FOCAD: variants seen among roughly 807,000 people sequenced by gnomAD.
FOCAD encodes focadhesin.
FOCAD carries 198 observed loss-of-function variants against 225.6 expected under a neutral mutation model. The observed-to-expected ratio is 0.88, with a 90% confidence interval of 0.78 to 0.99. The LOEUF (loss-of-function observed/expected upper bound fraction) is 0.99. FOCAD is among the 50% of genes least tolerant of loss of function. The pLI is 0.00. For synonymous variants in FOCAD, 897 were observed against 755.0 expected (o/e 1.19, Z -3.08); for missense variants, 2,713 against 2,123.6 (o/e 1.28, Z -5.46).
At chr9:20,743,252 G>A (rs777400473) in intron 5 of FOCAD, among the ~76,000 whole-genome samples, 3 of 152,186 alleles carry the variant, frequency 2.0e-5, no homozygotes, top group Non-Finnish European at 2.9e-5. Context: ...GTGTTTTCTG[G>A]TTATTCTGTA....
At chr9:20,928,180 G>C (rs1292405264) in intron 26 of FOCAD, among the ~76,000 whole-genome samples, 1 of 152,030 alleles carries the variant, frequency 6.6e-6, no homozygotes, top group African/African-American at 2.4e-5. Context: ...CTTAGTTCTT[G>C]CAAACCAATA....
chr9:20,821,756 G>A (rs1824346812), intron 14 of FOCAD, among the ~76,000 whole-genome samples: 1 of 151,958 alleles, frequency 6.6e-6, no homozygotes, highest in South Asian at 2.1e-4. Context: ...AGTTTCATTT[G>A]TTGATCAGCC....
intron 32 of FOCAD, 126 bp from the exon 33 acceptor site, chr9:20,949,478 G>A (rs979908604): frequency 4.3e-6 from 3 of 693,886 alleles, no homozygotes; most frequent in Admixed American, 2.6e-5. Context: ...TTATGTATTT[G>A]AAATAGAAGG....
intron 18 of FOCAD, chr9:20,872,674 C>T (rs796393574): frequency 4.0e-5 from 6 of 151,840 alleles, no homozygotes; most frequent in African/African-American, 1.5e-4. Context: ...GATTCATATA[C>T]TGTACAACTT....
At chr9:20,838,749 C>T (rs988679319) in intron 15 of FOCAD, among the ~76,000 whole-genome samples, 1 of 152,000 alleles carries the variant, frequency 6.6e-6, no homozygotes, top group Non-Finnish European at 1.5e-5. Flanking sequence ...AAAGCTTAGA[C>T]TGTTTATTAT....
chr9:20,973,057 T>G (rs535840384), intron 35 of FOCAD, among the ~76,000 whole-genome samples: 16 of 152,278 alleles, frequency 1.1e-4, no homozygotes, highest in Non-Finnish European at 1.5e-4. Context: ...TTCCTGTGCT[T>G]CTTCTTTCTG....
chr9:20,725,136 C>T (rs867959310), intron 4 of FOCAD, among the ~76,000 whole-genome samples: 3 of 152,218 alleles, frequency 2.0e-5, no homozygotes, highest in South Asian at 4.1e-4. Flanking sequence ...CGCACTACTG[C>T]ACTCCAGCCT....
At chr9:20,917,677 TG>T (rs1833988947) in intron 24 of FOCAD, among the ~76,000 whole-genome samples, 1 of 152,138 alleles carries the variant, frequency 6.6e-6, no homozygotes, top group South Asian at 2.1e-4. Flanking sequence ...GATATACCTT[TG>T]ACCTAGAGGA....
chr9:20,676,620 T>TCC (rs2131290503), intron 2 of FOCAD, among the ~76,000 whole-genome samples: 1 of 152,304 alleles, frequency 6.6e-6, no homozygotes, highest in African/African-American at 2.4e-5. Context: ...AAGCAAGAGC[T>TCC]CCATTCCCAC....
intron 15 of FOCAD, among the ~76,000 whole-genome samples, chr9:20,830,491 A>G (rs1042436407): frequency 2.0e-5 from 3 of 151,934 alleles, no homozygotes; most frequent in African/African-American, 7.2e-5. Context: ...ATTTTTTCAT[A>G]TCCCTTTTCA....
At chr9:20,754,603 C>G (rs1414763059) in intron 5 of FOCAD, among the ~76,000 whole-genome samples, 5 of 151,614 alleles carry the variant, frequency 3.3e-5, no homozygotes, top group Non-Finnish European at 5.9e-5. Context: ...GGTGATGTGC[C>G]TTCCATAGTG....
chr9:20,745,327 C>T lies in FOCAD; in HGVS notation c.392+4987C>T, dbSNP rs1464072320. Among the ~76,000 whole-genome samples, 18 of 152,090 alleles carry T rather than the reference C, an allele frequency of 1.2e-4. No homozygotes were observed. The East Asian group carries it at 2.9e-3, about 25-fold the overall frequency. ...CTGGTCTTGAACTCCTGAGCTCAAGCGATCCACCTGCTTCGGCCTCCCAAA... is the reference window on the plus strand; with the variant it reads ...CTGGTCTTGAACTCCTGAGCTCAAGTGATCCACCTGCTTCGGCCTCCCAAA... On this transcript the variant is annotated intron_variant, in intron 5 of 43. Coordinates refer to ENST00000338382, the MANE Select transcript of FOCAD (RefSeq NM_001375567.1).
At chr9:20,804,596 T>C (rs1458078722) in intron 11 of FOCAD, among the ~76,000 whole-genome samples, 1 of 151,652 alleles carries the variant, frequency 6.6e-6, no homozygotes, top group Non-Finnish European at 1.5e-5. Context: ...TCGGATGAAT[T>C]GTCTTGTTGT....
intron 18 of FOCAD, among the ~76,000 whole-genome samples, chr9:20,869,663 T>G (rs2131747918): frequency 6.6e-6 from 1 of 152,298 alleles, no homozygotes; most frequent in East Asian, 1.9e-4. Flanking sequence ...GAATTCATCT[T>G]TCTTGTCATT....
chr9:20,763,610 A>T (rs1005173333), intron 6 of FOCAD, among the ~76,000 whole-genome samples: 1 of 152,228 alleles, frequency 6.6e-6, no homozygotes, highest in African/African-American at 2.4e-5. Flanking sequence ...GGTAGGGAGA[A>T]GGAATAGGAC....
intron 5 of FOCAD, among the ~76,000 whole-genome samples, chr9:20,749,557 A>G (rs529737096): frequency 1.3e-5 from 2 of 152,314 alleles, no homozygotes; most frequent in East Asian, 1.9e-4. Context: ...TCTAACCAGC[A>G]GTTTCAAATA....
chr9:20,855,271 T>C (rs186862549), intron 15 of FOCAD, among the ~76,000 whole-genome samples: 5 of 151,766 alleles, frequency 3.3e-5, no homozygotes, highest in Admixed American at 6.6e-5. Flanking sequence ...TTCCTTATTT[T>C]TCTAACATTA....
chr9:20,711,941 T>C (rs1167835261), intron 1 of FOCAD, among the ~76,000 whole-genome samples: 1 of 152,166 alleles, frequency 6.6e-6, no homozygotes, highest in Non-Finnish European at 1.5e-5. Flanking sequence ...AAACAGTGTT[T>C]CCCAGTGTGT....
chr9:20,956,850 G>C (rs935855125), intron 35 of FOCAD, among the ~76,000 whole-genome samples: 2 of 151,914 alleles, frequency 1.3e-5, no homozygotes, highest in African/African-American at 4.8e-5. Context: ...GCACCACCAC[G>C]CCTGGCTAAT....
Sources: allele counts gnomAD v4.1 joint callset (sites outside exome capture counted in the v4.1 genomes callset), GRCh38; gene constraint gnomAD v4.1.1; transcripts MANE v1.5; gene names NCBI Gene and HGNC (gene_info 2026-07-23, HGNC 2026-07-21).